NEK1: variants seen among roughly 807,000 people sequenced by gnomAD.
The protein encoded by NEK1 is NIMA related kinase 1, also known as serine/threonine-protein kinase Nek1.
A neutral mutation model predicts 182.1 loss-of-function variants in NEK1; 137 were observed. That is an observed-to-expected ratio of 0.75 (90% confidence interval 0.65 to 0.87). NEK1 has a LOEUF of 0.87. Ranked by LOEUF, NEK1 falls within the 40% of genes least tolerant of loss-of-function variation. NEK1 has a pLI of 0.00. For synonymous variants in NEK1, 513 were observed against 492.2 expected (o/e 1.04, Z -0.56); for missense variants, 1,391 against 1,494.4 (o/e 0.93, Z 1.14).
chr4:169,559,619 A>T (rs977599355), intron 16 of NEK1, among the ~76,000 whole-genome samples: 1 of 152,206 alleles, frequency 6.6e-6, no homozygotes, highest in Non-Finnish European at 1.5e-5. Context: ...GAGAAAAAAA[A>T]CCAAGAATTA....
chr4:169,461,655 T>C (rs1743992139), intron 27 of NEK1, among the ~76,000 whole-genome samples: 1 of 152,250 alleles, frequency 6.6e-6, no homozygotes, highest in African/African-American at 2.4e-5. Context: ...TCCCAGTAAA[T>C]GTATTTGGGA....
At position 169,508,828 on chromosome 4, in the gene NEK1, T is replaced by G. The variant is rs566684230; in HGVS notation, c.1690A>C (p.Met564Leu). 3 of 1,592,110 alleles carry G rather than the reference T, an allele frequency of 1.9e-6. No individual in the cohort carries two copies. The highest frequency in any genetic ancestry group is 2.5e-6 in the Non-Finnish European group (3 of 1,176,940). ...GAAGAGCTGGGCCTGCCTCCATACATAGCTGCCAGGTTTTGCAGGATTCCC... is the reference window on the plus strand; with the variant it reads ...GAAGAGCTGGGCCTGCCTCCATACAGAGCTGCCAGGTTTTGCAGGATTCCC... ...HMGILQNLAA[M>L]YGGRPSSSRG... The change falls in exon 20 of 36, where the codon ATG becomes CTG. Residue 564 changes from methionine (M) to leucine (L), a missense_variant. Met to Leu is a conservative substitution (Grantham distance 15). Coordinates refer to ENST00000507142, the MANE Select transcript of NEK1 (RefSeq NM_001199397.3).
chr4:169,420,529 C>T (rs1310340087), intron 31 of NEK1, among the ~76,000 whole-genome samples: 1 of 152,162 alleles, frequency 6.6e-6, no homozygotes, highest in African/African-American at 2.4e-5. Flanking sequence ...CACTGTGACA[C>T]TACGATGTCA....
chr4:169,587,690 A>G (rs1767758239), intron 8 of NEK1, 77 bp from the exon 9 acceptor site: 1 of 874,510 alleles, frequency 1.1e-6, no homozygotes, highest in Admixed American at 2.8e-5. Context: ...AACAGCATAA[A>G]AGTGTTTTGG....
At chr4:169,546,023 T>A (rs957519247) in intron 18 of NEK1, among the ~76,000 whole-genome samples, 3 of 152,120 alleles carry the variant, frequency 2.0e-5, no homozygotes, top group Non-Finnish European at 4.4e-5. Context: ...TTCAATGCCA[T>A]CCCCATCAAG....
chr4:169,470,891 C>G (rs780499203), intron 26 of NEK1, among the ~76,000 whole-genome samples: 1 of 152,098 alleles, frequency 6.6e-6, no homozygotes, highest in Non-Finnish European at 1.5e-5. Context: ...TCCCTGATAT[C>G]CTTTATTCCA....
chr4:169,578,650 A>G (rs66678120), intron 11 of NEK1, among the ~76,000 whole-genome samples: 6,264 of 152,300 alleles, frequency 0.041, 169 homozygotes, highest in African/African-American at 0.063. Context: ...TATATCAAAT[A>G]TAACAGTGTG....
chr4:169,551,369 T>C (rs1395335990), intron 18 of NEK1, among the ~76,000 whole-genome samples: 2 of 152,122 alleles, frequency 1.3e-5, no homozygotes, highest in African/African-American at 2.4e-5. Flanking sequence ...AGCAAAATAA[T>C]TGCCCTTACA....
rs531140655 is a variant in NEK1 at position 169,611,323 on chromosome 4, G to C, written c.-49+697C>G. Among the ~76,000 whole-genome samples the C allele has an allele frequency of 3.9e-5, 6 of 152,204 alleles. No individual in the cohort carries two copies. In the South Asian group the frequency reaches 1.0e-3, roughly 26 times the overall value. On this transcript the variant is annotated intron_variant, in intron 2 of 35. Transcript: ENST00000507142. ...TCCTTACATTTCACCTAGAACAATG[G>C]ATATTTTAAGTGAAACAGATCTGTA... is the stretch of plus-strand genomic sequence containing the variant.
intron 18 of NEK1, among the ~76,000 whole-genome samples, chr4:169,543,687 G>T (rs1305521906): frequency 1.3e-5 from 2 of 152,246 alleles, no homozygotes; most frequent in East Asian, 3.9e-4. Flanking sequence ...AGTTCTCCTT[G>T]AAGAGGTCCT....
intron 4 of NEK1, 26 bp from the exon 5 acceptor site, chr4:169,599,223 A>G (rs745796425): frequency 4.7e-6 from 7 of 1,501,170 alleles, no homozygotes; most frequent in Non-Finnish European, 6.4e-6. Flanking sequence ...ATTACAGTCC[A>G]CTTTTAAAAA....
At chr4:169,424,204 T>C (rs1284351821) in intron 31 of NEK1, among the ~76,000 whole-genome samples, 1 of 152,184 alleles carries the variant, frequency 6.6e-6, no homozygotes, top group African/African-American at 2.4e-5. Flanking sequence ...TTAGGCAATA[T>C]AGCACCTCTG....
intron 26 of NEK1, among the ~76,000 whole-genome samples, chr4:169,474,581 C>T (rs1290601139): frequency 6.6e-6 from 1 of 152,148 alleles, no homozygotes; most frequent in Non-Finnish European, 1.5e-5. Context: ...GCTCACATTG[C>T]CTCTTCTCTG....
intron 7 of NEK1, 86 bp from the exon 8 acceptor site, chr4:169,588,821 T>C (rs1580996930): frequency 7.5e-6 from 6 of 796,614 alleles, no homozygotes; most frequent in Non-Finnish European, 1.3e-5. Context: ...GCAGATCGCA[T>C]ATATGATGCT....
intron 12 of NEK1, among the ~76,000 whole-genome samples, chr4:169,575,718 A>G (rs1765582424): frequency 6.6e-6 from 1 of 152,150 alleles, no homozygotes; most frequent in Admixed American, 6.5e-5. Context: ...CACAGTGGAC[A>G]CTTTCCTCTT....
chr4:169,510,023 C>G (rs918835209), intron 19 of NEK1, among the ~76,000 whole-genome samples: 26 of 152,104 alleles, frequency 1.7e-4, no homozygotes, highest in Non-Finnish European at 1.3e-4. Context: ...TACAAATGTT[C>G]TATAATTCAC....
intron 11 of NEK1, among the ~76,000 whole-genome samples, chr4:169,578,847 A>G (rs1766136598): frequency 6.6e-6 from 1 of 152,204 alleles, no homozygotes; most frequent in Non-Finnish European, 1.5e-5. Flanking sequence ...TTTTCCAAAC[A>G]CATACTCCAA....
Position 169,489,904 on chromosome 4 carries a change from C to G in NEK1, c.2008-10370G>C, listed in dbSNP as rs1749750010. Reference sequence around the variant, plus strand: ...GTAGAACAGCTTCATCTACCCATACCTCAGAGAGTGAACTTGTACTCAAGT... The same window carrying G: ...GTAGAACAGCTTCATCTACCCATACGTCAGAGAGTGAACTTGTACTCAAGT... On this transcript the variant is annotated intron_variant, in intron 23 of 35. Transcript: ENST00000507142. Among the ~76,000 whole-genome samples, 4 of 152,124 alleles carry G rather than the reference C, an allele frequency of 2.6e-5. No homozygotes were observed. In the South Asian group the frequency reaches 8.3e-4, roughly 32 times the overall value.
chr4:169,510,519 TC>T (rs1313807713), intron 19 of NEK1, among the ~76,000 whole-genome samples: 1 of 152,138 alleles, frequency 6.6e-6, no homozygotes, highest in African/African-American at 2.4e-5. Context: ...GCTCAGCCTC[TC>T]TTCTTTTGAC....
Sources: allele counts gnomAD v4.1 joint callset (sites outside exome capture counted in the v4.1 genomes callset), GRCh38; gene constraint gnomAD v4.1.1; transcripts MANE v1.5; gene names NCBI Gene and HGNC (gene_info 2026-07-23, HGNC 2026-07-21).